The following PPP2R5C variants were observed in gnomAD, a reference collection of about 807,000 sequenced individuals.
PPP2R5C encodes protein phosphatase 2 regulatory subunit B'gamma.
In PPP2R5C, 7 loss-of-function variants were observed where a neutral mutation model predicts 68.9. That is an observed-to-expected ratio of 0.10 (90% CI 0.06 to 0.19). The LOEUF is 0.19. PPP2R5C is among the 10% of genes least tolerant of loss of function. The pLI, the probability that PPP2R5C is intolerant of heterozygous loss-of-function variation, is 1.00. For missense variants in PPP2R5C, 348 were observed against 641.3 expected, an observed-to-expected ratio of 0.54 and a Z score of 4.94; for synonymous variants, 210 against 222.2, an observed-to-expected ratio of 0.95 and a Z score of 0.49.
At chr14:101,852,670 C>G (rs751975277) in intron 1 of PPP2R5C, among the ~76,000 whole-genome samples, 18 of 152,006 alleles carry the variant, frequency 1.2e-4, no homozygotes, top group Non-Finnish European at 2.6e-4. Flanking sequence ...TGGGGTTTCA[C>G]CATGTTGGCT....
At chr14:101,850,881 A>T (rs2042118981) in intron 1 of PPP2R5C, among the ~76,000 whole-genome samples, 1 of 152,206 alleles carries the variant, frequency 6.6e-6, no homozygotes, top group Admixed American at 6.5e-5. Context: ...CTCATCTGGG[A>T]CATAGAGGGG....
At chr14:101,779,566 A>G (rs1334351358) in intron 2 of PPP2R5C, among the ~76,000 whole-genome samples, 1 of 152,116 alleles carries the variant, frequency 6.6e-6, no homozygotes, top group East Asian at 1.9e-4. Context: ...TGAGAATCTG[A>G]GAGTGGCCCA....
upstream of PPP2R5C, among the ~76,000 whole-genome samples, chr14:101,807,530 A>C (rs1248550412): frequency 6.6e-6 from 1 of 152,192 alleles, no homozygotes; most frequent in Non-Finnish European, 1.5e-5. Flanking sequence ...AAATACTTTA[A>C]ACCTGTAGAT....
intron 2 of PPP2R5C, among the ~76,000 whole-genome samples, chr14:101,866,145 T>G (rs2043052948): frequency 1.3e-5 from 2 of 152,198 alleles, no homozygotes; most frequent in African/African-American, 4.8e-5. Flanking sequence ...TCTGCCCACC[T>G]CAGCCTCCCA....
At chr14:101,787,816 C>T (rs2038189038) in intron 3 of PPP2R5C, among the ~76,000 whole-genome samples, 1 of 150,594 alleles carries the variant, frequency 6.6e-6, no homozygotes, top group Non-Finnish European at 1.5e-5. Context: ...TTTTCTAGAG[C>T]TTGTATTTGG....
intron 3 of PPP2R5C, among the ~76,000 whole-genome samples, chr14:101,803,903 C>T (rs2038972258): frequency 6.6e-6 from 1 of 152,030 alleles, no homozygotes. Flanking sequence ...AGCTTCTGCA[C>T]AGCAAAGGAT....
rs368266047 is a variant in PPP2R5C at position 101,917,881 on chromosome 14, G to A, written c.1377G>A (p.Glu459=). The A allele has an allele frequency of 1.9e-6, 3 of 1,613,718 alleles. No individual in the cohort carries two copies. The highest frequency in any genetic ancestry group is 2.5e-6 in the Non-Finnish European group (3 of 1,179,782). The stretch of plus-strand genomic sequence containing the variant: ...CCATGAGCATTCCGGTTGCAATGGA[G>A]ACAGATGGGCCTTTATTTGAAGATG... Residue 459 remains glutamate (E), a synonymous_variant, in exon 13 of 14, where the codon GAG becomes GAA. Transcript: ENST00000334743. The surrounding 1 kb of genome is among the most constrained non-coding windows in gnomAD (Gnocchi z 4.4).
At chr14:101,821,448 G>GTGT (rs1555386180) in intron 1 of PPP2R5C, among the ~76,000 whole-genome samples, 1,304 of 58,856 alleles carry the variant, frequency 0.022, 33 homozygotes, top group African/African-American at 0.056. Context: ...GGGGTGGGTG[G>GTGT]GTGGGTGTGT....
intron 9 of PPP2R5C, among the ~76,000 whole-genome samples, chr14:101,903,970 G>A (rs2045875373): frequency 6.6e-6 from 1 of 152,074 alleles, no homozygotes; most frequent in Non-Finnish European, 1.5e-5. Context: ...CACCGCGCCA[G>A]CTCATTCTTA....
intron 1 of PPP2R5C, among the ~76,000 whole-genome samples, chr14:101,816,921 T>A (rs1313403531): frequency 1.4e-5 from 2 of 141,008 alleles, no homozygotes; most frequent in African/African-American, 2.7e-5. Flanking sequence ...ATATATATAT[T>A]TATATAATAT....
At chr14:101,803,258 T>C (rs1201253915) in intron 3 of PPP2R5C, 1 of 152,104 alleles carries the variant, frequency 6.6e-6, no homozygotes, top group Non-Finnish European at 1.5e-5. Flanking sequence ...AAACTAAAAT[T>C]GGAATGATAC....
chr14:101,831,460 G>A (rs886792701), intron 1 of PPP2R5C, among the ~76,000 whole-genome samples: 5 of 152,086 alleles, frequency 3.3e-5, no homozygotes, highest in South Asian at 2.1e-4. Context: ...TTTTTTTTAC[G>A]CTACTAATGG....
intron 2 of PPP2R5C, chr14:101,765,048 T>C: frequency 3.1e-6 from 2 of 643,312 alleles, no homozygotes; most frequent in Non-Finnish European, 2.8e-6. Flanking sequence ...ATCACTACTA[T>C]GTGAAATGTG....
In PPP2R5C at chr14:101,891,769, G is replaced by A. The variant is rs2044946833; in HGVS notation, c.690-1231G>A. Among the ~76,000 whole-genome samples, 1 of 152,254 alleles carries A rather than the reference G, an allele frequency of 6.6e-6. No homozygotes were observed. The highest frequency in any genetic ancestry group is 6.5e-5 in the Admixed American group (1 of 15,284). On this transcript the variant is annotated intron_variant, in intron 6 of 13. Coordinates refer to ENST00000334743, the Ensembl canonical transcript of PPP2R5C. The surrounding 1 kb of genome is among the most constrained non-coding windows in gnomAD (Gnocchi z 4.9). ...CGCATTGTCCGCTGTGCCGCGCAGA[G>A]TCAGTAATGGAAGACCAAGTTAGAG... is the stretch of plus-strand genomic sequence containing the variant.
In PPP2R5C at chr14:101,830,199, G is replaced by A. The variant is rs973650648; in HGVS notation, c.94+20163G>A. Among the ~76,000 whole-genome samples, 6 of 152,196 alleles carry A rather than the reference G, an allele frequency of 3.9e-5. 1 individual carries two copies. Among genetic ancestry groups the A allele is most frequent in the Admixed American group, 6.5e-5 (1 of 15,284 alleles). On this transcript the variant is annotated intron_variant, in intron 1 of 13. Coordinates refer to ENST00000334743, the Ensembl canonical transcript of PPP2R5C. ...CAAATATGTTCTAATCCATAGGAGA[G>A]TGAGAATTTCCAAGTTCATTAATTC...
At position 101,831,848 on chromosome 14, in the gene PPP2R5C, G is replaced by A. The variant is rs541645194; in HGVS notation, c.94+21812G>A. The A allele has an allele frequency of 3.0e-5, 20 of 674,986 alleles. 1 individual carries two copies. The highest frequency in any genetic ancestry group is 1.4e-4 in the South Asian group (9 of 65,922). The allele number at this position is 674,986 out of a possible 1,614,324, so 41.8% of individuals were successfully genotyped here. ...GAAGCAATCCCCAACATGGACCACT[G>A]TAGTCTGTTACTTACATTGGCTTTA... On this transcript the variant is annotated intron_variant, in intron 1 of 13. Coordinates refer to ENST00000334743, the Ensembl canonical transcript of PPP2R5C.
chr14:101,766,024 AG>A (rs2036843376), intron 2 of PPP2R5C: 1 of 152,282 alleles, frequency 6.6e-6, no homozygotes, highest in Non-Finnish European at 1.5e-5. Context: ...GGACCTGTCC[AG>A]GGCAGAGCAG....
chr14:101,791,223 T>G (rs765261394), intron 3 of PPP2R5C, among the ~76,000 whole-genome samples: 1 of 152,268 alleles, frequency 6.6e-6, no homozygotes, highest in Non-Finnish European at 1.5e-5. Flanking sequence ...GTCTTTTCGA[T>G]TATAGCTTAA....
At chr14:101,838,304 G>A (rs1165910577) in intron 1 of PPP2R5C, among the ~76,000 whole-genome samples, 2 of 152,188 alleles carry the variant, frequency 1.3e-5, no homozygotes. Context: ...AGTAATCGTC[G>A]AAGGAAGGTG....
Sources: allele counts gnomAD v4.1 joint callset (sites outside exome capture counted in the v4.1 genomes callset), GRCh38; gene constraint gnomAD v4.1.1; non-coding constraint Gnocchi (gnomAD v3.1); transcripts MANE v1.5; gene names NCBI Gene and HGNC (gene_info 2026-07-23, HGNC 2026-07-21).